Variants in AP2B1 observed in about 807,000 individuals in gnomAD.
AP2B1 encodes AP-2 complex subunit beta.
In AP2B1, 23 loss-of-function variants were observed where a neutral mutation model predicts 102.0. The ratio of observed to expected loss-of-function variants is 0.23; its 90% CI spans 0.16 to 0.32. AP2B1 has a LOEUF of 0.32. Ranked by LOEUF, AP2B1 falls within the 10% of genes least tolerant of loss-of-function variation. AP2B1 has a pLI of 1.00. For synonymous variants in AP2B1, 381 were observed against 421.2 expected, an observed-to-expected ratio of 0.90 and a Z score of 1.17; for missense variants, 541 against 1,157.4, an observed-to-expected ratio of 0.47 and a Z score of 7.73.
chr17:35,647,711 A>G (rs2074973385), intron 12 of AP2B1, among the ~76,000 whole-genome samples: 1 of 152,164 alleles, frequency 6.6e-6, no homozygotes, highest in East Asian at 1.9e-4. Flanking sequence ...ATTTAAATCT[A>G]TATAGTCAAA....
chr17:35,625,927 C>G (rs1390611557), intron 6 of AP2B1, among the ~76,000 whole-genome samples: 2 of 151,876 alleles, frequency 1.3e-5, no homozygotes, highest in Admixed American at 6.6e-5. Flanking sequence ...CTTGTGTTGC[C>G]CAAGCTACCA....
intron 2 of AP2B1, among the ~76,000 whole-genome samples, chr17:35,595,759 ATTAC>A (rs994959408): frequency 5.9e-5 from 9 of 152,180 alleles, no homozygotes; most frequent in African/African-American, 2.2e-4. Context: ...CCTTATTTTT[ATTAC>A]TTACACCTCA....
intron 18 of AP2B1, among the ~76,000 whole-genome samples, chr17:35,686,007 C>T (rs1273517952): frequency 6.6e-6 from 1 of 152,210 alleles, no homozygotes; most frequent in Non-Finnish European, 1.5e-5. Context: ...AGGTGATCCA[C>T]CTGCCTCTGC....
At chr17:35,665,170 A>G (rs2075439605) in intron 14 of AP2B1, among the ~76,000 whole-genome samples, 1 of 121,004 alleles carries the variant, frequency 8.3e-6, no homozygotes, top group Admixed American at 1.1e-4. Flanking sequence ...TCTGTCACCC[A>G]GGCTAGAAAG....
intron 14 of AP2B1, among the ~76,000 whole-genome samples, chr17:35,665,799 A>T (rs544536015): frequency 3.2e-4 from 49 of 152,280 alleles, no homozygotes; most frequent in Admixed American, 1.4e-3. Flanking sequence ...AGTTAAGAGA[A>T]TGTCTTCAGA....
At chr17:35,683,233 T>C (rs972716287) in intron 18 of AP2B1, among the ~76,000 whole-genome samples, 6 of 152,216 alleles carry the variant, frequency 3.9e-5, no homozygotes, top group Non-Finnish European at 8.8e-5. Context: ...TTTGAGTTAG[T>C]CATGGAATCG....
chr17:35,649,764 C>T (rs1041547731), intron 12 of AP2B1, among the ~76,000 whole-genome samples: 4 of 151,952 alleles, frequency 2.6e-5, no homozygotes, highest in Non-Finnish European at 5.9e-5. Context: ...TGAGTTAACA[C>T]ATTTGTTTGC....
At position 35,605,983 on chromosome 17, in the gene AP2B1, A is replaced by G. The variant is rs926347735; in HGVS notation, c.279+143A>G. ...TTCTGTATACCAGTGTGTGTCATCC[A>G]GGGAAATTCAAACCATGTGCTGAGC... On this transcript the variant is annotated intron_variant, in intron 4 of 21. Transcript: ENST00000610402. The G allele has an allele frequency of 2.2e-6, 3 of 1,366,440 alleles. No homozygotes were observed. The African/African-American group carries it at 4.4e-5, about 20-fold the overall frequency. The allele number at this position is 1,366,440 out of a possible 1,614,324, so 84.6% of individuals were successfully genotyped here.
intron 9 of AP2B1, among the ~76,000 whole-genome samples, chr17:35,630,263 C>T (rs1165150427): frequency 6.6e-6 from 1 of 152,194 alleles, no homozygotes; most frequent in African/African-American, 2.4e-5. Flanking sequence ...ATTCCTGGTT[C>T]TGCTAGCTCA....
chr17:35,624,500 C>G lies in AP2B1; in HGVS notation c.629C>G (p.Ala210Gly), dbSNP rs764666800. ...NPQNINKLLT[A>G]LNECTEWGQI... ...CAGAACATTAATAAGCTGCTGACAG[C>G]CCTGAATGAATGCACTGAATGGGGC... Residue 210 changes from alanine to glycine, a missense_variant, in exon 6 of 22, where the codon GCC (alanine) becomes GGC (glycine). Ala to Gly is a moderately conservative substitution (Grantham distance 60). Around this residue, in one of 10 missense-constraint regions of AP2B1, gnomAD observed 134 missense variants for 250.2 expected, o/e 0.54. Transcript: ENST00000610402. The G allele has an allele frequency of 6.2e-7, 1 of 1,614,132 alleles. No individual in the cohort carries two copies.
At chr17:35,637,838 C>T in intron 10 of AP2B1, among the ~76,000 whole-genome samples, 1 of 151,830 alleles carries the variant, frequency 6.6e-6, no homozygotes, top group East Asian at 1.9e-4. Context: ...GTGGCTGCCA[C>T]CACACCCGGC....
At chr17:35,654,016 C>T (rs1428886033) in intron 13 of AP2B1, among the ~76,000 whole-genome samples, 1 of 151,450 alleles carries the variant, frequency 6.6e-6, no homozygotes, top group Non-Finnish European at 1.5e-5. Flanking sequence ...TTTAACTAGG[C>T]TTTTTTAAAG....
Position 35,608,198 on chromosome 17 carries a change from C to T in AP2B1, c.336C>T (p.Cys112=). 6.2e-7 allele frequency: 1 copy of T among 1,614,064 alleles called. No individual in the cohort carries two copies. The highest frequency in any genetic ancestry group is 8.5e-7 in the Non-Finnish European group (1 of 1,180,030). The part of the protein sequence containing the change: ...IRALAVRTMG[C]IRVDKITEYL... ...CCTTGGCAGTCAGAACCATGGGGTG[C>T]ATCCGGGTAGACAAAATTACAGAAT... is the stretch of plus-strand genomic sequence containing the variant. The change falls in exon 5 of 22, where the codon TGC becomes TGT. Residue 112 remains cysteine (C), a synonymous_variant. Transcript: ENST00000610402.
At chr17:35,630,434 A>T (rs2074430699) in intron 9 of AP2B1, among the ~76,000 whole-genome samples, 1 of 152,224 alleles carries the variant, frequency 6.6e-6, no homozygotes, top group African/African-American at 2.4e-5. Context: ...CCGTCTACTT[A>T]GTATTAATGT....
chr17:35,632,074 A>G (rs916966081), intron 9 of AP2B1, among the ~76,000 whole-genome samples: 4 of 138,658 alleles, frequency 2.9e-5, no homozygotes, highest in Non-Finnish European at 6.2e-5. Context: ...ACCTAAAGTT[A>G]TATAAAATTC....
chr17:35,603,730 G>T (rs963052562), intron 3 of AP2B1, among the ~76,000 whole-genome samples: 1 of 152,194 alleles, frequency 6.6e-6, no homozygotes, highest in African/African-American at 2.4e-5. Flanking sequence ...CACTGGTCAA[G>T]ACTGGAAGAA....
chr17:35,605,666 C>T (rs369405379), intron 3 of AP2B1, 39 bp from the exon 4 acceptor site: 1 of 1,503,236 alleles, frequency 6.7e-7, no homozygotes, highest in East Asian at 2.3e-5. Context: ...GCACCAACAC[C>T]TGCTTACTTT....
At chr17:35,628,556 T>C (rs886765089) in intron 9 of AP2B1, among the ~76,000 whole-genome samples, 2 of 152,210 alleles carry the variant, frequency 1.3e-5, no homozygotes, top group Admixed American at 1.3e-4. Context: ...TAAGCTGTTA[T>C]TGTGCCACTG....
chr17:35,660,883 G>A (rs963547776), intron 14 of AP2B1, among the ~76,000 whole-genome samples: 7 of 152,194 alleles, frequency 4.6e-5, no homozygotes, highest in Non-Finnish European at 8.8e-5. Flanking sequence ...AAATTATTTT[G>A]TTAAAGCTCT....
Sources: gnomAD v4.1 joint callset for allele counts (sites outside exome capture counted in the v4.1 genomes callset) on GRCh38, gnomAD v4.1.1 for gene constraint, gnomAD v4.1.1 regional missense constraint, MANE v1.5 for transcripts, NCBI Gene and HGNC (gene_info 2026-07-23, HGNC 2026-07-21) for gene names.